BMPR1B: variants seen among roughly 807,000 people sequenced by gnomAD.
BMPR1B encodes bone morphogenetic protein receptor type-1B.
BMPR1B carries 12 observed loss-of-function variants against 59.1 expected under a neutral mutation model. The ratio of observed to expected loss-of-function variants is 0.20; its 90% CI spans 0.13 to 0.33. BMPR1B has a LOEUF of 0.33. Ranked by LOEUF, BMPR1B falls within the 10% of genes least tolerant of loss-of-function variation. The pLI is 1.00. For synonymous variants in BMPR1B, 237 were observed against 207.3 expected (o/e 1.14, Z -1.23); for missense variants, 550 against 610.9 (o/e 0.90, Z 1.05).
At chr4:94,870,119 G>A (rs1042904111) in intron 1 of BMPR1B, among the ~76,000 whole-genome samples, 1 of 152,176 alleles carries the variant, frequency 6.6e-6, no homozygotes, top group African/African-American at 2.4e-5. Context: ...TATAAACTCT[G>A]ATCAGTCTTA....
chr4:94,862,161 G>A (rs1371943693), intron 1 of BMPR1B, among the ~76,000 whole-genome samples: 1 of 148,786 alleles, frequency 6.7e-6, no homozygotes, highest in African/African-American at 2.5e-5. Context: ...TTTTTTTGTT[G>A]TTTTTTTGAG....
chr4:94,809,754 T>C (rs1208312878), intron 1 of BMPR1B, among the ~76,000 whole-genome samples: 1 of 152,234 alleles, frequency 6.6e-6, no homozygotes, highest in Non-Finnish European at 1.5e-5. Flanking sequence ...AGCATACCAG[T>C]TAGCTTTCTA....
intron 6 of BMPR1B, among the ~76,000 whole-genome samples, chr4:95,116,421 G>GCGCGCGCGCGCGCACACACACA: frequency 4.1e-5 from 5 of 123,198 alleles, no homozygotes; most frequent in African/African-American, 1.1e-4. Context: ...TTCAGCGCGC[G>GCGCGCGCGCGCGCACACACACA]CACACACACA....
intron 2 of BMPR1B, among the ~76,000 whole-genome samples, chr4:94,928,088 C>G (rs192627912): frequency 5.3e-5 from 8 of 151,372 alleles, no homozygotes; most frequent in Non-Finnish European, 1.0e-4. Context: ...TTATATTGCT[C>G]TAGTAGGCGA....
chr4:94,894,958 G>T (rs1240334862), intron 2 of BMPR1B, among the ~76,000 whole-genome samples: 3 of 151,654 alleles, frequency 2.0e-5, no homozygotes, highest in Non-Finnish European at 4.4e-5. Flanking sequence ...CCTCCTTTGG[G>T]TTCTCTGAGT....
intron 1 of BMPR1B, among the ~76,000 whole-genome samples, chr4:94,874,533 A>G (rs1447436707): frequency 6.6e-6 from 1 of 152,172 alleles, no homozygotes; most frequent in Non-Finnish European, 1.5e-5. Context: ...ATTAAAATCT[A>G]ATTGTGATTT....
At chr4:94,758,681 C>G (rs1250066220) in intron 1 of BMPR1B, among the ~76,000 whole-genome samples, 3 of 151,984 alleles carry the variant, frequency 2.0e-5, no homozygotes, top group Non-Finnish European at 4.4e-5. Context: ...TTGCCTGTCT[C>G]TTCTCCTCTC....
chr4:94,900,468 C>G (rs1374916620), intron 2 of BMPR1B, among the ~76,000 whole-genome samples: 1 of 151,832 alleles, frequency 6.6e-6, no homozygotes, highest in Non-Finnish European at 1.5e-5. Context: ...TTTGTACATA[C>G]AAATATGATG....
chr4:95,134,574 A>T (rs540066276), intron 10 of BMPR1B, among the ~76,000 whole-genome samples: 151 of 152,304 alleles, frequency 9.9e-4, no homozygotes, highest in Non-Finnish European at 1.2e-3. Flanking sequence ...CTGGTGTGAG[A>T]TGGCATCTCA....
rs1005033398 is a variant in BMPR1B at position 94,977,773 on chromosome 4, C to A, written c.-112-18267C>A. ...TCAGAAGGCTGAGGCAGGAGAATCG[C>A]CTGAACCCAGGTGGCGGAGGTTGTG... On this transcript the variant is annotated intron_variant, in intron 2 of 12. Transcript: ENST00000515059. 1.7e-4 allele frequency among the ~76,000 whole-genome samples: 26 copies of A among 152,146 alleles called. 1 individual carries two copies. Among genetic ancestry groups the A allele is most frequent in the African/African-American group, 5.3e-4 (22 of 41,432 alleles).
chr4:94,877,836 CAG>C (rs1390801020), intron 2 of BMPR1B, among the ~76,000 whole-genome samples: 2 of 152,150 alleles, frequency 1.3e-5, no homozygotes, highest in East Asian at 3.9e-4. Context: ...ATAATTAAAA[CAG>C]TATTTTTATT....
chr4:94,862,101 T>TA lies in BMPR1B; in HGVS notation c.-182-13718dup, dbSNP rs565580056. Among the ~76,000 whole-genome samples the TA allele has an allele frequency of 1.3e-3, 191 of 144,132 alleles. 1 individual carries two copies. The highest frequency in any genetic ancestry group is 1.5e-3 in the Non-Finnish European group (99 of 65,238). 94.6% of individuals were successfully genotyped at this position (144,132 alleles called of 152,430 possible). On this transcript the variant is annotated intron_variant, in intron 1 of 12. Transcript: ENST00000515059. ...CCTAATCTTGACTTTGAAAAGCCTT[T>TA]AAAAAAAAAAAAGACACAATGACTT...
chr4:94,909,303 C>A (rs1039223997), intron 2 of BMPR1B, among the ~76,000 whole-genome samples: 4 of 151,916 alleles, frequency 2.6e-5, no homozygotes, highest in Non-Finnish European at 4.4e-5. Flanking sequence ...TACTAACTTA[C>A]TATATACTCA....
chr4:94,810,452 G>A (rs994116069), intron 1 of BMPR1B, among the ~76,000 whole-genome samples: 1 of 152,096 alleles, frequency 6.6e-6, no homozygotes, highest in Non-Finnish European at 1.5e-5. Context: ...TAAAAAATCG[G>A]TGCAAGGGGA....
chr4:95,123,783 T>A, intron 6 of BMPR1B, 27 bp from the exon 7 acceptor site: 1 of 1,502,376 alleles, frequency 6.7e-7, no homozygotes, highest in Non-Finnish European at 9.2e-7. Flanking sequence ...TTCTCTTGAT[T>A]ATGGCTCTTT....
At chr4:94,868,605 G>T (rs1726351740) in intron 1 of BMPR1B, among the ~76,000 whole-genome samples, 1 of 152,198 alleles carries the variant, frequency 6.6e-6, no homozygotes, top group South Asian at 2.1e-4. Context: ...TGTTTCCAGT[G>T]TTGAACGATG....
chr4:95,112,704 C>G (rs1396925902), intron 4 of BMPR1B, among the ~76,000 whole-genome samples: 4 of 152,036 alleles, frequency 2.6e-5, no homozygotes, highest in Non-Finnish European at 5.9e-5. Context: ...TTTTTAGCTC[C>G]TCTCTCTTTG....
chr4:95,021,268 T>G (rs555181171), intron 3 of BMPR1B, among the ~76,000 whole-genome samples: 3 of 152,356 alleles, frequency 2.0e-5, no homozygotes, highest in South Asian at 4.1e-4. Flanking sequence ...CAGTACTTAC[T>G]TGGCCTAGAA....
chr4:95,003,520 G>A (rs1722599145), intron 3 of BMPR1B, among the ~76,000 whole-genome samples: 1 of 152,130 alleles, frequency 6.6e-6, no homozygotes, highest in South Asian at 2.1e-4. Flanking sequence ...ACAAGAGGCT[G>A]TGTATGTTAC....
Sources: allele counts gnomAD v4.1 joint callset (sites outside exome capture counted in the v4.1 genomes callset), GRCh38; gene constraint gnomAD v4.1.1; transcripts MANE v1.5; gene names NCBI Gene and HGNC (gene_info 2026-07-23, HGNC 2026-07-21).